Variants in NKAIN3 observed in about 807,000 individuals in gnomAD.
NKAIN3 encodes the protein sodium/potassium transporting ATPase interacting 3.
A neutral mutation model predicts 30.2 loss-of-function variants in NKAIN3; 25 were observed. The observed-to-expected ratio is 0.83, with a 90% CI of 0.60 to 1.16. The LOEUF is 1.16. NKAIN3 is among the 50% of genes most tolerant of loss of function. The probability of loss-of-function intolerance (pLI) is 0.00; values close to 1 mark genes in which losing one functional copy is unlikely to be tolerated. For synonymous variants in NKAIN3, 91 were observed against 89.6 expected (o/e 1.02, Z -0.09); for missense variants, 225 against 254.1 (o/e 0.89, Z 0.78).
chr8:62,284,366 A>G (rs1433800941), intron 1 of NKAIN3, among the ~76,000 whole-genome samples: 1 of 152,052 alleles, frequency 6.6e-6, no homozygotes, highest in Non-Finnish European at 1.5e-5. Flanking sequence ...GCGGTGGCTT[A>G]CGTCTGTAAT....
rs973125970 is a variant in NKAIN3 at position 62,966,172 on chromosome 8, A to G, written c.*765A>G. Reference sequence around the variant, plus strand: ...CATTCCTGACACTGCTGTCAGACCTAAACATACAGCTCATGGGCTTGTGGG... The same window carrying G: ...CATTCCTGACACTGCTGTCAGACCTGAACATACAGCTCATGGGCTTGTGGG... On this transcript the variant is annotated 3_prime_UTR_variant, in exon 7 of 7. Transcript: ENST00000623646. The G allele has an allele frequency of 4.1e-6, 4 of 985,016 alleles. No individual in the cohort carries two copies. In the African/African-American group the frequency reaches 5.2e-5, roughly 13 times the overall value. 61.0% of individuals were successfully genotyped at this position (985,016 alleles called of 1,614,324 possible).
At chr8:62,829,679 T>A (rs1819132888) in intron 4 of NKAIN3, among the ~76,000 whole-genome samples, 1 of 152,112 alleles carries the variant, frequency 6.6e-6, no homozygotes. Context: ...ATAAGAATGA[T>A]AACATGAAGG....
intron 3 of NKAIN3, among the ~76,000 whole-genome samples, chr8:62,633,318 T>C (rs1386133583): frequency 6.6e-6 from 1 of 152,200 alleles, no homozygotes; most frequent in Non-Finnish European, 1.5e-5. Flanking sequence ...TGCGTTGTTA[T>C]TGATAACCCT....
intron 1 of NKAIN3, among the ~76,000 whole-genome samples, chr8:62,518,423 T>A (rs2100318): frequency 0.29 from 43,416 of 152,052 alleles, 6,360 homozygotes; most frequent in South Asian, 0.37. Context: ...GATTTTGGGC[T>A]ATTTAGTTAA....
At chr8:62,854,150 T>C (rs1008623584) in intron 4 of NKAIN3, among the ~76,000 whole-genome samples, 3 of 152,188 alleles carry the variant, frequency 2.0e-5, no homozygotes, top group African/African-American at 7.2e-5. Flanking sequence ...AAGTTCCATG[T>C]GGTAATGAGA....
chr8:62,620,795 A>G (rs530350791), intron 3 of NKAIN3, among the ~76,000 whole-genome samples: 6 of 152,200 alleles, frequency 3.9e-5, no homozygotes, highest in Non-Finnish European at 7.3e-5. Context: ...CATATTGAAC[A>G]ATAACCCAGG....
chr8:62,798,379 G>A (rs767443454), intron 4 of NKAIN3, among the ~76,000 whole-genome samples: 13 of 152,216 alleles, frequency 8.5e-5, no homozygotes, highest in Non-Finnish European at 1.3e-4. Flanking sequence ...AGACCATCCT[G>A]GCTAACACGG....
intron 5 of NKAIN3, chr8:62,990,133 G>T: frequency 1.0e-6 from 1 of 961,562 alleles, no homozygotes; most frequent in South Asian, 1.6e-5. Flanking sequence ...TTTAAATGTT[G>T]ATATTTTAAA....
At chr8:62,430,728 G>A (rs570254620) in intron 1 of NKAIN3, among the ~76,000 whole-genome samples, 321 of 151,848 alleles carry the variant, frequency 2.1e-3, no homozygotes, top group Non-Finnish European at 3.3e-3. Flanking sequence ...GCTATAAATG[G>A]GTTATGAAAA....
At chr8:62,676,628 A>G (rs4562311) in intron 3 of NKAIN3, among the ~76,000 whole-genome samples, 14,272 of 152,196 alleles carry the variant, frequency 0.094, 1,597 homozygotes, top group African/African-American at 0.27. Context: ...AGGTTTAAAA[A>G]CTAAAAATAT....
At chr8:62,695,777 G>C (rs1814134392) in intron 3 of NKAIN3, among the ~76,000 whole-genome samples, 1 of 152,168 alleles carries the variant, frequency 6.6e-6, no homozygotes, top group Admixed American at 6.5e-5. Context: ...GAGAGTGAAG[G>C]CTCAGAATTG....
intron 1 of NKAIN3, among the ~76,000 whole-genome samples, chr8:62,569,795 C>T (rs536431061): frequency 1.2e-4 from 18 of 150,716 alleles, no homozygotes; most frequent in African/African-American, 4.1e-4. Flanking sequence ...AAGCCTACTT[C>T]AGTAACCCAA....
Position 62,695,320 on chromosome 8 carries a change from C to A in NKAIN3, c.274-51612C>A, listed in dbSNP as rs143561112. 9.2e-4 allele frequency among the ~76,000 whole-genome samples: 140 copies of A among 152,070 alleles called. 1 individual carries two copies. Among genetic ancestry groups the A allele is most frequent in the South Asian group, 2.1e-4 (1 of 4,818 alleles). On this transcript the variant is annotated intron_variant, in intron 3 of 6. Coordinates refer to ENST00000623646, the MANE Select transcript of NKAIN3 (RefSeq NM_001304533.3). ...CAATGGTTTAGTGACATTCAATGAA[C>A]GAATTATGGAAGCAAAGCTTTAAGA...
intron 4 of NKAIN3, among the ~76,000 whole-genome samples, chr8:62,795,932 A>G (rs571625204): frequency 1.3e-5 from 2 of 152,300 alleles, no homozygotes; most frequent in South Asian, 2.1e-4. Context: ...GTGAATCTGT[A>G]TAAATCCACC....
chr8:62,460,209 C>T (rs566934067), intron 1 of NKAIN3, among the ~76,000 whole-genome samples: 140 of 151,988 alleles, frequency 9.2e-4, no homozygotes, highest in African/African-American at 3.2e-3. Context: ...GTCAGGAGTT[C>T]GAGACCAGCC....
At position 62,971,428 on chromosome 8, in the gene NKAIN3, C is replaced by G. The variant is rs917724139; in HGVS notation, c.*6021C>G. 6.6e-6 allele frequency among the ~76,000 whole-genome samples: 1 copy of G among 152,080 alleles called. No individual in the cohort carries two copies. Among genetic ancestry groups the G allele is most frequent in the African/African-American group, 2.4e-5 (1 of 41,424 alleles). On this transcript the variant is annotated 3_prime_UTR_variant, in exon 7 of 7. Coordinates refer to ENST00000623646, the MANE Select transcript of NKAIN3 (RefSeq NM_001304533.3). Reference sequence around the variant, plus strand: ...AAGGCGTGCAGATCACTTGAGCTTACGAGTTCGAGACCAGCCTGAGCAACA... The same window carrying G: ...AAGGCGTGCAGATCACTTGAGCTTAGGAGTTCGAGACCAGCCTGAGCAACA...
chr8:62,466,099 G>T (rs535237669), intron 1 of NKAIN3, among the ~76,000 whole-genome samples: 1 of 152,088 alleles, frequency 6.6e-6, no homozygotes, highest in African/African-American at 2.4e-5. Flanking sequence ...TAGATTGGGT[G>T]AATCTCAGAG....
intron 1 of NKAIN3, among the ~76,000 whole-genome samples, chr8:62,556,454 A>G (rs1022541081): frequency 1.3e-5 from 2 of 151,834 alleles, no homozygotes; most frequent in Non-Finnish European, 2.9e-5. Flanking sequence ...TGAAACTAGG[A>G]TAATAGAAAC....
At chr8:62,661,190 C>T (rs1812932973) in intron 3 of NKAIN3, among the ~76,000 whole-genome samples, 2 of 152,182 alleles carry the variant, frequency 1.3e-5, no homozygotes, top group South Asian at 4.1e-4. Context: ...GGTCAGCACT[C>T]ATGCCATGAC....
Sources: allele counts gnomAD v4.1 joint callset (sites outside exome capture counted in the v4.1 genomes callset), GRCh38; gene constraint gnomAD v4.1.1; transcripts MANE v1.5; gene names NCBI Gene and HGNC (gene_info 2026-07-23, HGNC 2026-07-21).